The following BIRC6 variants were observed in gnomAD, a reference collection of about 807,000 sequenced individuals.
BIRC6 encodes the protein dual E2 ubiquitin-conjugating enzyme/E3 ubiquitin-protein ligase BIRC6.
Under a neutral mutation model 503.3 loss-of-function variants are expected in BIRC6, and 98 were observed. That is an observed-to-expected ratio of 0.19 (90% CI 0.17 to 0.23). The LOEUF (loss-of-function observed/expected upper bound fraction) is 0.23. Among genes scored for constraint, BIRC6 ranks in the 10% least tolerant of loss-of-function variants. The probability of loss-of-function intolerance (pLI) is 1.00; values close to 1 mark genes in which losing one functional copy is unlikely to be tolerated. For synonymous variants in BIRC6, 2,240 were observed against 2,078.7 expected (o/e 1.08, Z -2.11); for missense variants, 5,360 against 5,806.0 (o/e 0.92, Z 2.50).
At chr2:32,459,880 CTA>C (rs2047644003) in intron 23 of BIRC6, among the ~76,000 whole-genome samples, 1 of 151,294 alleles carries the variant, frequency 6.6e-6, no homozygotes, top group Non-Finnish European at 1.5e-5. Context: ...GTGTATAAAA[CTA>C]TAATTGATTT....
intron 14 of BIRC6, 29 bp from the exon 15 acceptor site, chr2:32,436,024 A>C (rs1194793808): frequency 7.8e-7 from 1 of 1,286,492 alleles, no homozygotes; most frequent in Non-Finnish European, 1.0e-6. Flanking sequence ...GAATGAATTT[A>C]AAAGAAAAAT....
At chr2:32,490,412 G>A (rs952798843) in intron 43 of BIRC6, among the ~76,000 whole-genome samples, 2 of 152,174 alleles carry the variant, frequency 1.3e-5, no homozygotes, top group African/African-American at 2.4e-5. Flanking sequence ...GTGGGCGCCT[G>A]TAGTCCCAGC....
At chr2:32,617,000 G>T (rs529727371) in intron 73 of BIRC6, among the ~76,000 whole-genome samples, 2 of 152,298 alleles carry the variant, frequency 1.3e-5, no homozygotes, top group African/African-American at 4.8e-5. Context: ...GGAGGCTGAG[G>T]TGGGAGGATT....
At chr2:32,481,258 TTA>T (rs2149189031) in intron 37 of BIRC6, 60 bp from the exon 38 acceptor site, 1 of 1,365,218 alleles carries the variant, frequency 7.3e-7, no homozygotes, top group Non-Finnish European at 9.7e-7. Flanking sequence ...ACTAAAAGCA[TTA>T]TGTCATCTAA....
rs770185817 is a variant in BIRC6, at chr2:32,468,017, G to T, written c.5686G>T (p.Asp1896Tyr). Residue 1896 changes from aspartate to tyrosine, a missense_variant, in exon 28 of 74, where the codon GAT becomes TAT. By Grantham distance (160) the Asp-to-Tyr change is radical. This residue lies in a region of BIRC6 where 2,299 missense variants were observed against 2,267.2 expected (regional missense o/e 1.01). Transcript: ENST00000421745. ...PWESELKLMH[D>Y]PLKGEGESAN... ...GGAAAGTGAACTGAAGTTAATGCAT[G>T]ATCCTCTAAAGGGAGAGGGAGAATC... 1 of 1,613,828 alleles carries T rather than the reference G, an allele frequency of 6.2e-7. No individual in the cohort carries two copies. The highest frequency in any genetic ancestry group is 8.5e-7 in the Non-Finnish European group (1 of 1,179,820).
chr2:32,362,318 GTT>G (rs766604562), intron 1 of BIRC6, among the ~76,000 whole-genome samples: 2 of 137,460 alleles, frequency 1.5e-5, no homozygotes, highest in Non-Finnish European at 1.6e-5. Flanking sequence ...TGCTGACTTT[GTT>G]TTTTTTTTTT....
At chr2:32,374,589 C>T (rs1364431404) in intron 1 of BIRC6, among the ~76,000 whole-genome samples, 4 of 151,808 alleles carry the variant, frequency 2.6e-5, no homozygotes, top group Non-Finnish European at 4.4e-5. Flanking sequence ...TCTCCTGCCT[C>T]AGCCTCCCGA....
intron 61 of BIRC6, among the ~76,000 whole-genome samples, chr2:32,532,551 T>G (rs2056870689): frequency 1.3e-5 from 2 of 152,196 alleles, no homozygotes; most frequent in Non-Finnish European, 2.9e-5. Context: ...CATCTTAACT[T>G]GATTACATCT....
At chr2:32,590,690 C>A in intron 66 of BIRC6, 1 of 736,796 alleles carries the variant, frequency 1.4e-6, no homozygotes, top group Non-Finnish European at 1.7e-6. Context: ...TGTCACAGAG[C>A]CAAAATTTGT....
At chr2:32,514,012 C>G (rs2054734545) in intron 54 of BIRC6, among the ~76,000 whole-genome samples, 2 of 42 alleles carry the variant, frequency 0.048, no homozygotes, top group South Asian at 0.5. Context: ...GTTCGCCATG[C>G]TGCCTCACGC....
intron 61 of BIRC6, among the ~76,000 whole-genome samples, chr2:32,534,171 C>A (rs867531958): frequency 6.8e-6 from 1 of 148,000 alleles, no homozygotes; most frequent in Admixed American, 6.7e-5. Context: ...GTCAGCAGTT[C>A]GAGATCAGCC....
chr2:32,388,195 C>G (rs2038752601), intron 3 of BIRC6, among the ~76,000 whole-genome samples: 1 of 151,584 alleles, frequency 6.6e-6, no homozygotes, highest in Non-Finnish European at 1.5e-5. Context: ...CCTGACCAAC[C>G]TGATGAAACC....
chr2:32,528,059 C>G (rs116947741), intron 59 of BIRC6: 2 of 152,182 alleles, frequency 1.3e-5, no homozygotes, highest in African/African-American at 4.8e-5. Flanking sequence ...TTTTAAAAGC[C>G]TTCCAGCAGA....
At chr2:32,381,546 T>TC (rs1379558263) in intron 3 of BIRC6, among the ~76,000 whole-genome samples, 2 of 150,842 alleles carry the variant, frequency 1.3e-5, no homozygotes, top group Admixed American at 6.6e-5. Flanking sequence ...GGCTCTTTTT[T>TC]TTTTTTTTTT....
At chr2:32,383,360 A>G (rs2037970920) in intron 3 of BIRC6, among the ~76,000 whole-genome samples, 1 of 152,074 alleles carries the variant, frequency 6.6e-6, no homozygotes, top group Non-Finnish European at 1.5e-5. Context: ...TCAAGAGGAT[A>G]TATTGGTCAA....
chr2:32,611,711 G>T, intron 73 of BIRC6, 129 bp downstream of exon 73: 1 of 981,240 alleles, frequency 1.0e-6, no homozygotes, highest in East Asian at 3.1e-5. Flanking sequence ...TCAGTTCAGA[G>T]GAATAAATTG....
At chr2:32,512,079 A>T (rs1302371382) in intron 53 of BIRC6, among the ~76,000 whole-genome samples, 1 of 152,190 alleles carries the variant, frequency 6.6e-6, no homozygotes, top group Non-Finnish European at 1.5e-5. Context: ...TTAAAACATG[A>T]ATGTTTGTTA....
chr2:32,397,639 TAC>T (rs750005767), intron 6 of BIRC6, among the ~76,000 whole-genome samples: 211 of 142,190 alleles, frequency 1.5e-3, no homozygotes, highest in East Asian at 3.3e-3. Flanking sequence ...TGTATATATA[TAC>T]ACACACACAC....
At chr2:32,510,484 T>C in intron 52 of BIRC6, 42 bp from the exon 53 acceptor site, 1 of 1,187,890 alleles carries the variant, frequency 8.4e-7, no homozygotes, top group Non-Finnish European at 1.2e-6. Flanking sequence ...ATGGTTAACT[T>C]GCTTATTTAG....
Sources: gnomAD v4.1 joint callset for allele counts (sites outside exome capture counted in the v4.1 genomes callset) on GRCh38, gnomAD v4.1.1 for gene constraint, gnomAD v4.1.1 regional missense constraint, MANE v1.5 for transcripts, NCBI Gene and HGNC (gene_info 2026-07-23, HGNC 2026-07-21) for gene names.